SIPA1L1: variants seen among roughly 807,000 people sequenced by gnomAD.
SIPA1L1 encodes the protein signal-induced proliferation-associated 1-like protein 1.
In SIPA1L1, 26 loss-of-function variants were observed where a neutral mutation model predicts 162.7. That is an observed-to-expected ratio of 0.16 (90% CI 0.12 to 0.22). The LOEUF is 0.22. SIPA1L1 is among the 10% of genes least tolerant of loss of function. SIPA1L1 has a pLI of 1.00. For synonymous variants in SIPA1L1, 829 were observed against 837.4 expected (o/e 0.99, Z 0.17); for missense variants, 1,874 against 2,241.0 (o/e 0.84, Z 3.31).
At chr14:71,392,531 A>G (rs1195027584) in intron 2 of SIPA1L1, among the ~76,000 whole-genome samples, 1 of 152,016 alleles carries the variant, frequency 6.6e-6, no homozygotes, top group Non-Finnish European at 1.5e-5. Context: ...TTACAGTACT[A>G]TTGAAACTTT....
chr14:71,418,504 A>G (rs1056155270), intron 2 of SIPA1L1, among the ~76,000 whole-genome samples: 3 of 152,122 alleles, frequency 2.0e-5, no homozygotes, highest in African/African-American at 4.8e-5. Context: ...TACTGTCCCT[A>G]TTTGACTTAA....
intron 2 of SIPA1L1, among the ~76,000 whole-genome samples, chr14:71,363,786 C>T (rs892718044): frequency 2.6e-5 from 4 of 152,174 alleles, no homozygotes; most frequent in Non-Finnish European, 5.9e-5. Flanking sequence ...AATGCACCAG[C>T]AAAGTGTCAG....
intron 2 of SIPA1L1, among the ~76,000 whole-genome samples, chr14:71,339,514 C>T (rs2035433823): frequency 1.3e-5 from 2 of 152,012 alleles, no homozygotes; most frequent in South Asian, 2.1e-4. Context: ...AGGCACTCAC[C>T]ACTTCACCCG....
intron 2 of SIPA1L1, among the ~76,000 whole-genome samples, chr14:71,492,149 G>A (rs1396701309): frequency 6.6e-6 from 1 of 152,134 alleles, no homozygotes; most frequent in African/African-American, 2.4e-5. Flanking sequence ...GTGCAAAGAG[G>A]GTGGTATAGT....
intron 8 of SIPA1L1, among the ~76,000 whole-genome samples, chr14:71,650,716 T>G (rs949075798): frequency 1.3e-5 from 2 of 152,062 alleles, no homozygotes; most frequent in Non-Finnish European, 2.9e-5. Flanking sequence ...AAAAAAATAG[T>G]GTTGTCAGAG....
At chr14:71,353,873 T>C (rs536619453) in intron 2 of SIPA1L1, among the ~76,000 whole-genome samples, 1 of 152,144 alleles carries the variant, frequency 6.6e-6, no homozygotes, top group South Asian at 2.1e-4. Context: ...GTGCAGAAGA[T>C]GTGGAGTAGT....
At chr14:71,560,636 T>C (rs1400276946) in intron 4 of SIPA1L1, among the ~76,000 whole-genome samples, 1 of 152,182 alleles carries the variant, frequency 6.6e-6, no homozygotes, top group East Asian at 1.9e-4. Flanking sequence ...ATTAGAAAAT[T>C]TAGAAAATTC....
chr14:71,647,406 A>G lies in SIPA1L1; in HGVS notation c.1819-2929A>G, dbSNP rs548149160. Among the ~76,000 whole-genome samples, 21 of 151,958 alleles carry G rather than the reference A, an allele frequency of 1.4e-4. No individual in the cohort carries two copies. The East Asian group carries it at 3.7e-3, about 27-fold the overall frequency. ...CAGGAAACTTTTTTTTTTTTAATAA[A>G]TGAATCTAAATAAATTAATCCTTTT... is the stretch of plus-strand genomic sequence containing the variant. On this transcript the variant is annotated intron_variant, in intron 7 of 23. Coordinates refer to ENST00000381232, the MANE Select transcript of SIPA1L1 (RefSeq NM_001386936.1).
chr14:71,339,716 A>G (rs1171855200), intron 2 of SIPA1L1, among the ~76,000 whole-genome samples: 3 of 152,128 alleles, frequency 2.0e-5, no homozygotes, highest in Admixed American at 6.5e-5. Context: ...GAGCCACTCT[A>G]TCTTCATTTG....
intron 2 of SIPA1L1, among the ~76,000 whole-genome samples, chr14:71,511,074 G>GA (rs1280360659): frequency 1.3e-5 from 2 of 152,150 alleles, no homozygotes; most frequent in African/African-American, 4.8e-5. Context: ...GTAAACAAGG[G>GA]ATGCCTTTGT....
At chr14:71,630,051 A>G (rs745376673) in intron 7 of SIPA1L1, among the ~76,000 whole-genome samples, 106 of 152,176 alleles carry the variant, frequency 7.0e-4, no homozygotes, top group Non-Finnish European at 1.1e-3. Context: ...TAGGGGAAAT[A>G]TTTTTTCCAA....
At position 71,739,043 on chromosome 14, in the gene SIPA1L1, A is replaced by G. The variant is rs1176917967; in HGVS notation, c.5234A>G (p.Gln1745Arg). 2.5e-6 allele frequency: 4 copies of G among 1,613,784 alleles called. No homozygotes were observed. In the South Asian group the frequency reaches 3.3e-5, roughly 13 times the overall value. Residue 1745 changes from glutamine (Q) to arginine (R), a missense_variant, in exon 24 of 24, where the codon CAG (glutamine) becomes CGG (arginine). Around this residue, in one of 5 missense-constraint regions of SIPA1L1, gnomAD observed 936 missense variants for 1,051.9 expected, o/e 0.89. Transcript: ENST00000381232. ...KKEKEDKAHLQAEVQHLREDN... is the reference protein window; with the variant it reads ...KKEKEDKAHLRAEVQHLREDN... ...GAAAAAGAAGACAAAGCTCACCTTC[A>G]GGCGGAGGTGCAGCACCTGCGAGAG...
intron 2 of SIPA1L1, among the ~76,000 whole-genome samples, chr14:71,443,440 T>A (rs921687349): frequency 6.6e-6 from 1 of 152,194 alleles, no homozygotes; most frequent in Non-Finnish European, 1.5e-5. Flanking sequence ...GTATTTATAG[T>A]TCCTTGTAAT....
At chr14:71,712,965 G>A (rs2082987259) in intron 17 of SIPA1L1, among the ~76,000 whole-genome samples, 1 of 152,130 alleles carries the variant, frequency 6.6e-6, no homozygotes, top group Admixed American at 6.6e-5. Context: ...CAGTACAAGA[G>A]GATTTTTCAC....
At chr14:71,395,646 G>A (rs1379101280) in intron 2 of SIPA1L1, among the ~76,000 whole-genome samples, 1 of 152,158 alleles carries the variant, frequency 6.6e-6, no homozygotes, top group Non-Finnish European at 1.5e-5. Context: ...GGGTGGCAGA[G>A]CAAGACCCTG....
chr14:71,544,070 C>T (rs536449786), intron 4 of SIPA1L1, among the ~76,000 whole-genome samples: 77 of 146,990 alleles, frequency 5.2e-4, no homozygotes, highest in Non-Finnish European at 7.6e-4. Context: ...TATATACACA[C>T]GCACGCACAT....
At chr14:71,724,555 C>T (rs2084049330) in intron 18 of SIPA1L1, 115 bp from the exon 19 acceptor site, 1 of 754,452 alleles carries the variant, frequency 1.3e-6, no homozygotes, top group South Asian at 2.4e-5. Flanking sequence ...TTATCTGTTT[C>T]TCCACATAAT....
Position 71,685,355 on chromosome 14 carries a change from C to G in SIPA1L1, c.3105-7C>G, listed in dbSNP as rs758083318. ...TTGTGTTTCTCCCTGTGCCTTGCCC[C>G]TAATAGGAGTTGCTCTGAAACCTAC... On this transcript the variant is annotated splice_region_variant and splice_polypyrimidine_tract_variant and intron_variant, in intron 12 of 23. Transcript: ENST00000381232. The G allele has an allele frequency of 8.7e-6, 14 of 1,613,608 alleles. No homozygotes were observed. In the African/African-American group the frequency reaches 1.3e-4, roughly 15 times the overall value.
At chr14:71,653,166 C>G (rs1242974333) in intron 8 of SIPA1L1, among the ~76,000 whole-genome samples, 1 of 152,168 alleles carries the variant, frequency 6.6e-6, no homozygotes, top group Non-Finnish European at 1.5e-5. Flanking sequence ...AGCTTTTACT[C>G]TGGCTAACTT....
Sources: allele counts gnomAD v4.1 joint callset (sites outside exome capture counted in the v4.1 genomes callset), GRCh38; gene constraint gnomAD v4.1.1; regional missense constraint gnomAD v4.1.1; transcripts MANE v1.5; gene names NCBI Gene and HGNC (gene_info 2026-07-23, HGNC 2026-07-21).